AUTS2: variants seen among roughly 807,000 people sequenced by gnomAD.
The protein encoded by AUTS2 is activator of transcription and developmental regulator AUTS2.
In AUTS2, 17 loss-of-function variants were observed where a neutral mutation model predicts 112.4. The observed-to-expected ratio is 0.15, with a 90% CI of 0.10 to 0.23. The LOEUF (loss-of-function observed/expected upper bound fraction) is 0.23. AUTS2 is among the 10% of genes least tolerant of loss of function. AUTS2 has a pLI of 1.00. For missense variants in AUTS2, 1,510 were observed against 1,701.6 expected, an observed-to-expected ratio of 0.89 and a Z score of 1.98; for synonymous variants, 751 against 702.7, an observed-to-expected ratio of 1.07 and a Z score of -1.09.
intron 1 of AUTS2, among the ~76,000 whole-genome samples, chr7:69,752,905 G>A (rs1341560840): frequency 6.6e-6 from 1 of 152,192 alleles, no homozygotes; most frequent in Non-Finnish European, 1.5e-5. Flanking sequence ...CAGCAGCTGT[G>A]TATGTTCTAG....
At chr7:70,290,614 C>T (rs1788665970) in intron 4 of AUTS2, 4 of 1,427,812 alleles carry the variant, frequency 2.8e-6, no homozygotes, top group South Asian at 3.1e-5. Context: ...ACACTTCCCT[C>T]CTTTTCATTT....
chr7:70,659,451 A>G (rs1480672124), intron 5 of AUTS2, among the ~76,000 whole-genome samples: 1 of 152,150 alleles, frequency 6.6e-6, no homozygotes, highest in Non-Finnish European at 1.5e-5. Flanking sequence ...CAGCCTCATC[A>G]TACAGCTTGC....
At chr7:69,936,257 C>T (rs1337449646) in intron 2 of AUTS2, among the ~76,000 whole-genome samples, 1 of 152,210 alleles carries the variant, frequency 6.6e-6, no homozygotes, top group African/African-American at 2.4e-5. Context: ...TTCAGTTCCT[C>T]TTGGTAAGAC....
At chr7:69,776,522 C>T (rs1271543662) in intron 1 of AUTS2, among the ~76,000 whole-genome samples, 1 of 152,154 alleles carries the variant, frequency 6.6e-6, no homozygotes, top group African/African-American at 2.4e-5. Context: ...CTCCGGTGAG[C>T]CCCTCGCCTC....
At chr7:69,931,247 A>G (rs1190951033) in intron 2 of AUTS2, among the ~76,000 whole-genome samples, 5 of 152,198 alleles carry the variant, frequency 3.3e-5, no homozygotes, top group Non-Finnish European at 7.3e-5. Context: ...TGCCTGGCAT[A>G]GTGGCACTCA....
At chr7:70,553,415 A>G (rs1194270668) in intron 5 of AUTS2, among the ~76,000 whole-genome samples, 1 of 152,306 alleles carries the variant, frequency 6.6e-6, no homozygotes, top group Non-Finnish European at 1.5e-5. Flanking sequence ...AAGGACAAAG[A>G]CAGGCAGTGG....
chr7:69,985,275 T>C (rs1798463004), intron 2 of AUTS2, among the ~76,000 whole-genome samples: 1 of 151,860 alleles, frequency 6.6e-6, no homozygotes, highest in Non-Finnish European at 1.5e-5. Context: ...TGCCCTGTTT[T>C]TCTGTTGTTG....
chr7:70,699,268 T>C (rs1809312402), intron 6 of AUTS2: 1 of 152,330 alleles, frequency 6.6e-6, no homozygotes, highest in African/African-American at 2.4e-5. Flanking sequence ...GGGGAGTCTG[T>C]AATCACTGGC....
At chr7:70,544,925 C>G (rs185562198) in intron 5 of AUTS2, among the ~76,000 whole-genome samples, 2 of 152,196 alleles carry the variant, frequency 1.3e-5, no homozygotes, top group Admixed American at 6.5e-5. Context: ...TGAGCGTGAT[C>G]CAAGGAGCCT....
intron 2 of AUTS2, among the ~76,000 whole-genome samples, chr7:70,086,359 T>C (rs912603662): frequency 1.3e-5 from 2 of 152,052 alleles, no homozygotes; most frequent in Non-Finnish European, 2.9e-5. Context: ...AGTTCTGCAG[T>C]GGCCGGGCAC....
At chr7:70,628,339 T>C (rs1805066756) in intron 5 of AUTS2, among the ~76,000 whole-genome samples, 1 of 4,956 alleles carries the variant, frequency 2.0e-4, no homozygotes, top group Non-Finnish European at 3.8e-4. Context: ...CATATATATA[T>C]AGTATATATA....
chr7:70,728,428 G>C (rs115630885), intron 6 of AUTS2, among the ~76,000 whole-genome samples: 2,989 of 152,170 alleles, frequency 0.02, 98 homozygotes, highest in African/African-American at 0.069. Context: ...TCTGGAGGCC[G>C]GGCATGGTGG....
At chr7:69,643,252 A>G (rs1414493327) in intron 1 of AUTS2, 3 of 152,376 alleles carry the variant, frequency 2.0e-5, no homozygotes, top group African/African-American at 7.2e-5. Flanking sequence ...TCACATAATC[A>G]TGTATACATA....
intron 5 of AUTS2, among the ~76,000 whole-genome samples, chr7:70,659,869 C>T (rs560478967): frequency 2.6e-5 from 4 of 152,174 alleles, no homozygotes; most frequent in South Asian, 2.1e-4. Flanking sequence ...CATGCAGTCC[C>T]GGGCTGTCAG....
intron 5 of AUTS2, among the ~76,000 whole-genome samples, chr7:70,476,637 G>A (rs1378226676): frequency 1.3e-5 from 2 of 152,108 alleles, no homozygotes; most frequent in Non-Finnish European, 1.5e-5. Flanking sequence ...TGTGTATTAC[G>A]GTGGTTAAGA....
At chr7:70,182,353 T>C (rs1429518326) in intron 4 of AUTS2, among the ~76,000 whole-genome samples, 1 of 152,182 alleles carries the variant, frequency 6.6e-6, no homozygotes, top group African/African-American at 2.4e-5. Flanking sequence ...ATCCAGGATG[T>C]TGAGGCTTTA....
intron 1 of AUTS2, among the ~76,000 whole-genome samples, chr7:69,831,064 A>G (rs1791480610): frequency 6.6e-6 from 1 of 152,184 alleles, no homozygotes; most frequent in African/African-American, 2.4e-5. Flanking sequence ...CAACAGTGAA[A>G]TTCTGGGGTA....
intron 2 of AUTS2, among the ~76,000 whole-genome samples, chr7:70,098,156 G>A: frequency 6.6e-6 from 1 of 152,266 alleles, no homozygotes; most frequent in South Asian, 2.1e-4. Context: ...CTCATAAAAA[G>A]CCTGAATATA....
chr7:70,417,846 A>G (rs1585121856), intron 4 of AUTS2, among the ~76,000 whole-genome samples: 2 of 152,180 alleles, frequency 1.3e-5, no homozygotes, highest in African/African-American at 2.4e-5. Context: ...TGCAAAGTCC[A>G]GAAGACCGTT....
Sources: gnomAD v4.1 joint callset for allele counts (sites outside exome capture counted in the v4.1 genomes callset) on GRCh38, gnomAD v4.1.1 for gene constraint, MANE v1.5 for transcripts, NCBI Gene and HGNC (gene_info 2026-07-23, HGNC 2026-07-21) for gene names.